The following SLC44A5 variants were observed in gnomAD, a reference collection of about 807,000 sequenced individuals.
SLC44A5 encodes solute carrier family 44 member 5, also known as choline transporter-like protein 5.
In SLC44A5, 57 loss-of-function variants were observed where a neutral mutation model predicts 101.8. That is an observed-to-expected ratio of 0.56 (90% CI 0.45 to 0.70). SLC44A5 has a LOEUF of 0.70. Ranked by LOEUF, SLC44A5 falls within the 30% of genes least tolerant of loss-of-function variation. The probability of loss-of-function intolerance (pLI) is 0.00; values close to 1 mark genes in which losing one functional copy is unlikely to be tolerated. For missense variants in SLC44A5, 737 were observed against 853.1 expected (o/e 0.86, Z 1.70); for synonymous variants, 281 against 290.9 (o/e 0.97, Z 0.35).
At chr1:75,624,557 G>T in the SLC44A5 span, among the ~76,000 whole-genome samples, 1 of 152,012 alleles carries the variant, frequency 6.6e-6, no homozygotes, top group Non-Finnish European at 1.5e-5. Flanking sequence ...TCTCTCTAGG[G>T]GAGGTCAGTA....
intron 5 of SLC44A5, among the ~76,000 whole-genome samples, chr1:75,279,710 CT>C (rs1466550632): frequency 2.0e-5 from 3 of 151,862 alleles, no homozygotes; most frequent in South Asian, 2.1e-4. Context: ...AAACAGTTTC[CT>C]TTTTTTACAA....
intron 2 of SLC44A5, among the ~76,000 whole-genome samples, chr1:75,426,939 C>T (rs534404507): frequency 6.6e-6 from 1 of 152,350 alleles, no homozygotes; most frequent in Non-Finnish European, 1.5e-5. Context: ...AGCGGCGCTT[C>T]GCCAGATGGG....
chr1:75,698,615 C>T, the SLC44A5 span, among the ~76,000 whole-genome samples: 226 of 152,340 alleles, frequency 1.5e-3, no homozygotes, highest in African/African-American at 4.2e-3. Context: ...TCCAAAGGAA[C>T]GCAGTTCCTC....
chr1:75,303,386 C>A (rs961585022), intron 4 of SLC44A5, among the ~76,000 whole-genome samples: 6 of 152,166 alleles, frequency 3.9e-5, no homozygotes, highest in African/African-American at 1.4e-4. Context: ...CAGGCATATG[C>A]CACCATGCCC....
intron 4 of SLC44A5, among the ~76,000 whole-genome samples, chr1:75,328,551 T>C (rs1476615072): frequency 6.6e-6 from 1 of 152,166 alleles, no homozygotes; most frequent in Non-Finnish European, 1.5e-5. Flanking sequence ...TGCCCCCAGC[T>C]GCCAATTCAT....
intron 2 of SLC44A5, among the ~76,000 whole-genome samples, chr1:75,462,416 G>C (rs1302569859): frequency 6.6e-6 from 1 of 152,080 alleles, no homozygotes; most frequent in East Asian, 1.9e-4. Context: ...AGAAAGACTG[G>C]TACAAGAAAG....
intron 2 of SLC44A5, among the ~76,000 whole-genome samples, chr1:75,466,439 G>A (rs911263063): frequency 1.3e-5 from 2 of 151,840 alleles, no homozygotes; most frequent in Admixed American, 6.6e-5. Context: ...GGCGGATCAC[G>A]AGGTCAGGAG....
chr1:75,628,448 T>G, the SLC44A5 span, among the ~76,000 whole-genome samples: 1 of 152,172 alleles, frequency 6.6e-6, no homozygotes, highest in East Asian at 1.9e-4. Flanking sequence ...TGCCTCTACC[T>G]TGCCTCTTTC....
intron 2 of SLC44A5, among the ~76,000 whole-genome samples, chr1:75,470,561 C>A (rs1217014343): frequency 6.6e-6 from 1 of 152,146 alleles, no homozygotes; most frequent in African/African-American, 2.4e-5. Flanking sequence ...AATGGAAGCA[C>A]GCAGGAGGGG....
intron 1 of SLC44A5, among the ~76,000 whole-genome samples, chr1:75,549,244 G>T (rs1671809433): frequency 6.6e-6 from 1 of 152,166 alleles, no homozygotes; most frequent in East Asian, 1.9e-4. Flanking sequence ...TTCCAGTCTT[G>T]GATAGCTGCC....
At chr1:75,203,983 C>T in intron 23 of SLC44A5, 150 bp from the exon 24 acceptor site, 1 of 985,820 alleles carries the variant, frequency 1.0e-6, no homozygotes, top group Non-Finnish European at 1.4e-6. Context: ...AGTTTGGCAT[C>T]AACATTATTG....
chr1:75,495,750 C>T (rs2101823846), intron 2 of SLC44A5, among the ~76,000 whole-genome samples: 1 of 151,954 alleles, frequency 6.6e-6, no homozygotes, highest in African/African-American at 2.4e-5. Flanking sequence ...TGTAAAACAC[C>T]ATCAGAGGCA....
chr1:75,298,566 C>G (rs1242072160), intron 5 of SLC44A5, among the ~76,000 whole-genome samples: 1 of 151,978 alleles, frequency 6.6e-6, no homozygotes, highest in Non-Finnish European at 1.5e-5. Flanking sequence ...GGTTTTCCCA[C>G]TCTATATAAG....
rs35829590 is a variant in SLC44A5, at chr1:75,537,033, A to AAAAATATATAT, written c.13+4401_13+4402insATATATATTTT. Among the ~76,000 whole-genome samples, 57 of 43,014 alleles carry AAAAATATATAT rather than the reference A, an allele frequency of 1.3e-3. 2 individuals are homozygous for AAAAATATATAT. Among genetic ancestry groups the AAAAATATATAT allele is most frequent in the Non-Finnish European group, 1.7e-3 (29 of 17,230 alleles). 28.2% of individuals were successfully genotyped at this position (43,014 alleles called of 152,430 possible). A position where few individuals can be genotyped will look rare whatever the true frequency, so the allele number is the denominator to read the frequency against. On this transcript the variant is annotated intron_variant, in intron 2 of 23. Coordinates refer to ENST00000370859, the MANE Select transcript of SLC44A5 (RefSeq NM_001130058.2). The stretch of plus-strand genomic sequence containing the variant: ...AAAAAAAAAAAAAAAAAAAAAAAAA[A>AAAAATATATAT]ATATATATCTATGCCAAATGATTCT...
intron 2 of SLC44A5, among the ~76,000 whole-genome samples, chr1:75,453,701 C>T (rs1392715895): frequency 6.6e-6 from 1 of 151,854 alleles, no homozygotes; most frequent in Non-Finnish European, 1.5e-5. Flanking sequence ...GCTCAATCAC[C>T]AGCGACAATG....
In SLC44A5 at chr1:75,552,884, GATA is replaced by G. The variant is rs1672016210; in HGVS notation, c.-69-11371_-69-11369del. 2.2e-4 allele frequency among the ~76,000 whole-genome samples: 15 copies of G among 69,012 alleles called. No individual in the cohort carries two copies. The South Asian group carries it at 8.2e-3, about 38-fold the overall frequency. The allele number at this position is 69,012 out of a possible 152,430, so 45.3% of individuals were successfully genotyped here. On this transcript the variant is annotated intron_variant, in intron 1 of 23. Coordinates refer to ENST00000370859, the MANE Select transcript of SLC44A5 (RefSeq NM_001130058.2). ...TTGTGGCTACAAAACAATTATAAATGATAACTTTTCCATGCTTTCACCTTTGTT... is the reference window on the plus strand; with the variant it reads ...TTGTGGCTACAAAACAATTATAAATGACTTTTCCATGCTTTCACCTTTGTT...
intron 1 of SLC44A5, among the ~76,000 whole-genome samples, chr1:75,577,938 A>G (rs1309765260): frequency 6.6e-6 from 1 of 152,122 alleles, no homozygotes; most frequent in Admixed American, 6.5e-5. Context: ...TCTTCCCAAT[A>G]TATACTGTGA....
At chr1:75,484,984 C>T (rs1258772325) in intron 2 of SLC44A5, among the ~76,000 whole-genome samples, 1 of 152,250 alleles carries the variant, frequency 6.6e-6, no homozygotes, top group Non-Finnish European at 1.5e-5. Context: ...GCCTGGCCCA[C>T]AAAACCACTT....
chr1:75,616,103 C>G (rs982265495), upstream of SLC44A5, among the ~76,000 whole-genome samples: 2 of 151,908 alleles, frequency 1.3e-5, no homozygotes, highest in Non-Finnish European at 2.9e-5. Flanking sequence ...CGCCGCTGGC[C>G]CCCCTCTTGC....
Sources: allele counts gnomAD v4.1 joint callset (sites outside exome capture counted in the v4.1 genomes callset), GRCh38; gene constraint gnomAD v4.1.1; transcripts MANE v1.5; gene names NCBI Gene and HGNC (gene_info 2026-07-23, HGNC 2026-07-21).